Variants in PLG observed in about 807,000 individuals in gnomAD.
PLG encodes plasminogen.
In PLG, 41 loss-of-function variants were observed where a neutral mutation model predicts 104.4. That is an observed-to-expected ratio of 0.39 (90% confidence interval 0.31 to 0.51). The LOEUF (loss-of-function observed/expected upper bound fraction) is 0.51, where lower values mean the gene tolerates loss of function less well. PLG is among the 20% of genes least tolerant of loss of function. The pLI is 0.76. For synonymous variants in PLG, 337 were observed against 357.1 expected (o/e 0.94, Z 0.63); for missense variants, 891 against 1,003.6 (o/e 0.89, Z 1.52).
At chr6:160,749,659 CCACCATCAT>C (rs1162225908) in intron 17 of PLG, among the ~76,000 whole-genome samples, 1 of 142,090 alleles carries the variant, frequency 7.0e-6, no homozygotes, top group South Asian at 2.1e-4. Flanking sequence ...ACCACCATCA[CCACCATCAT>C]CACCATAACC....
intron 8 of PLG, 57 bp from the exon 9 acceptor site, chr6:160,718,636 G>A: frequency 1.3e-6 from 2 of 1,568,002 alleles, no homozygotes; most frequent in Non-Finnish European, 1.8e-6. Flanking sequence ...CTCAAAGCGT[G>A]GTTCCCTAGA....
Position 160,741,434 on chromosome 6 carries a change from T to G in PLG, c.2125+17T>G. ...AAACCCAAGGTGAGATAAATTCCAT[T>G]GCCCACATAACGAATTGGTTTTGAC... is the stretch of plus-strand genomic sequence containing the variant. On this transcript the variant is annotated intron_variant, in intron 17 of 18. Coordinates refer to ENST00000308192, the MANE Select transcript of PLG (RefSeq NM_000301.5). This position sits in a 1 kb window ranked among gnomAD's most constrained non-coding sequence, Gnocchi z 4.7. 2.7e-6 allele frequency: 4 copies of G among 1,464,114 alleles called. No homozygotes were observed. The highest frequency in any genetic ancestry group is 3.8e-6 in the Non-Finnish European group (4 of 1,042,980). The allele number at this position is 1,464,114 out of a possible 1,614,324, so 90.7% of individuals were successfully genotyped here. A position where few individuals can be genotyped will look rare whatever the true frequency, so the allele number is the denominator to read the frequency against.
chr6:160,743,447 T>C (rs1428880339), intron 17 of PLG, among the ~76,000 whole-genome samples: 12 of 152,232 alleles, frequency 7.9e-5, no homozygotes. Context: ...TGTTCCTGAT[T>C]TGCCTCTGGG....
chr6:160,708,679 A>G (rs1467174978), intron 3 of PLG: 2 of 152,170 alleles, frequency 1.3e-5, no homozygotes, highest in Non-Finnish European at 2.9e-5. Context: ...GAAACACCTT[A>G]GTTCTTGTAT....
intron 1 of PLG, among the ~76,000 whole-genome samples, chr6:160,702,813 A>G (rs1777444281): frequency 2.6e-5 from 4 of 152,210 alleles, no homozygotes; most frequent in Admixed American, 2.0e-4. Flanking sequence ...TCGGGGACTC[A>G]GCATTTCTCC....
chr6:160,722,048 C>A (rs762788760), intron 9 of PLG, among the ~76,000 whole-genome samples: 14 of 152,146 alleles, frequency 9.2e-5, no homozygotes, highest in Non-Finnish European at 1.9e-4. Context: ...GTCTGCCCCC[C>A]ACTGACAGCC....
chr6:160,732,982 G>A lies in PLG; in HGVS notation c.1588-1013G>A, dbSNP rs76100911. On this transcript the variant is annotated intron_variant, in intron 12 of 18. Transcript: ENST00000308192. This position sits in a 1 kb window ranked among gnomAD's most constrained non-coding sequence, Gnocchi z 4.5. Reference sequence around the variant, plus strand: ...TGTTCCCTCCCTGGAAGTTGGACGTGGGGGGCTGAACAGTTCCAACCCTGC... The same window carrying A: ...TGTTCCCTCCCTGGAAGTTGGACGTAGGGGGCTGAACAGTTCCAACCCTGC... Among the ~76,000 whole-genome samples the A allele has an allele frequency of 6.6e-6, 1 of 152,060 alleles. No individual in the cohort carries two copies. Among genetic ancestry groups the A allele is most frequent in the East Asian group, 1.9e-4 (1 of 5,174 alleles).
rs749375422 is a variant in PLG at position 160,718,749 on chromosome 6, A to T, written c.1007A>T (p.His336Leu). 8.7e-6 allele frequency: 14 copies of T among 1,613,744 alleles called. No homozygotes were observed. Among genetic ancestry groups the T allele is most frequent in the African/African-American group, 2.7e-5 (2 of 74,920 alleles). ...NPDGKRAPWC[H>L]TTNSQVRWEY... The stretch of plus-strand genomic sequence containing the variant: ...GACGGAAAAAGGGCCCCATGGTGCC[A>T]TACAACCAACAGCCAAGTGCGGTGG... Residue 336 changes from histidine (H) to leucine (L), a missense_variant, in exon 9 of 19, where the codon CAT becomes CTT. Coordinates refer to ENST00000308192, the MANE Select transcript of PLG (RefSeq NM_000301.5).
chr6:160,715,915 T>A (rs1191478521), intron 6 of PLG, among the ~76,000 whole-genome samples: 2 of 152,216 alleles, frequency 1.3e-5, no homozygotes, highest in Non-Finnish European at 2.9e-5. Flanking sequence ...AGAGAGGGAA[T>A]GAATAAACGC....
intron 3 of PLG, among the ~76,000 whole-genome samples, chr6:160,709,590 C>T (rs1777598774): frequency 6.6e-6 from 1 of 152,286 alleles, no homozygotes; most frequent in African/African-American, 2.4e-5. Context: ...TGCCTGGGAC[C>T]CTCTTCACCT....
In PLG at chr6:160,741,552, G is replaced by A; in HGVS notation, c.2125+135G>A. 1.4e-6 allele frequency: 1 copy of A among 709,658 alleles called. No homozygotes were observed. 44.0% of individuals were successfully genotyped at this position (709,658 alleles called of 1,614,324 possible). Reference sequence around the variant, plus strand: ...CCACCCCACTCCTGATTTTGCCTGGGCACCTGTCTATGTCTTAATCAGTCT... The same window carrying A: ...CCACCCCACTCCTGATTTTGCCTGGACACCTGTCTATGTCTTAATCAGTCT... On this transcript the variant is annotated intron_variant, in intron 17 of 18. Coordinates refer to ENST00000308192, the MANE Select transcript of PLG (RefSeq NM_000301.5). This position sits in a 1 kb window ranked among gnomAD's most constrained non-coding sequence, Gnocchi z 4.7.
At chr6:160,722,838 A>G (rs1283674484) in intron 10 of PLG, among the ~76,000 whole-genome samples, 1 of 152,180 alleles carries the variant, frequency 6.6e-6, no homozygotes, top group African/African-American at 2.4e-5. Context: ...AGGAGTACAT[A>G]TGAGCAAATG....
Position 160,726,332 on chromosome 6 carries a change from C to A in PLG, c.1256+3765C>A, listed in dbSNP as rs1007362985. On this transcript the variant is annotated intron_variant, in intron 10 of 18. Transcript: ENST00000308192. This position sits in a 1 kb window ranked among gnomAD's most constrained non-coding sequence, Gnocchi z 4.4. ...TATCTGAAAATGAAACAACACATTT[C>A]CAAATACTTCATAAGTCAAAGAAGG... Among the ~76,000 whole-genome samples, 1 of 151,902 alleles carries A rather than the reference C, an allele frequency of 6.6e-6. No homozygotes were observed. The highest frequency in any genetic ancestry group is 6.6e-5 in the Admixed American group (1 of 15,242).
At position 160,740,557 on chromosome 6, in the gene PLG, A is replaced by T. The variant is rs1778175163; in HGVS notation, c.2019-754A>T. Among the ~76,000 whole-genome samples the T allele has an allele frequency of 6.6e-6, 1 of 152,146 alleles. No individual in the cohort carries two copies. Among genetic ancestry groups the T allele is most frequent in the Admixed American group, 6.5e-5 (1 of 15,288 alleles). Reference sequence around the variant, plus strand: ...GCATGACAGGCTGGGCCTTCTGATGATGCTCAGAAGCAGAAAGTGTGCCTG... The same window carrying T: ...GCATGACAGGCTGGGCCTTCTGATGTTGCTCAGAAGCAGAAAGTGTGCCTG... On this transcript the variant is annotated intron_variant, in intron 16 of 18. Transcript: ENST00000308192. This position sits in a 1 kb window ranked among gnomAD's most constrained non-coding sequence, Gnocchi z 5.2.
intron 6 of PLG, 145 bp downstream of exon 6, chr6:160,715,059 A>C: frequency 1.2e-6 from 1 of 812,310 alleles, no homozygotes; most frequent in Non-Finnish European, 2.0e-6. Context: ...CTCCCACAAT[A>C]TTGCAAGTGA....
At chr6:160,715,318 T>C (rs1251940155) in intron 6 of PLG, among the ~76,000 whole-genome samples, 1 of 152,222 alleles carries the variant, frequency 6.6e-6, no homozygotes, top group Non-Finnish European at 1.5e-5. Flanking sequence ...TCTTTACTCC[T>C]TGTCTTTCTT....
Position 160,736,807 on chromosome 6 carries a change from T to C in PLG, c.1682-80T>C, listed in dbSNP as rs949862891. On this transcript the variant is annotated intron_variant, in intron 13 of 18. Coordinates refer to ENST00000308192, the MANE Select transcript of PLG (RefSeq NM_000301.5). This position sits in a 1 kb window ranked among gnomAD's most constrained non-coding sequence, Gnocchi z 5.2. ...GGCCTTTAAGATGTCAAAAACTCAGTGCTTGGAATTTGTCTCGAATTACAC... is the reference window on the plus strand; with the variant it reads ...GGCCTTTAAGATGTCAAAAACTCAGCGCTTGGAATTTGTCTCGAATTACAC... 12 of 1,577,074 alleles carry C rather than the reference T, an allele frequency of 7.6e-6. 1 individual carries two copies. The highest frequency in any genetic ancestry group is 4.4e-5 in the South Asian group (4 of 89,924).
At chr6:160,727,050 G>C (rs987016953) in intron 10 of PLG, among the ~76,000 whole-genome samples, 1 of 151,822 alleles carries the variant, frequency 6.6e-6, no homozygotes, top group Non-Finnish European at 1.5e-5. Flanking sequence ...TGACGACAAA[G>C]GAGGGAGCAC....
chr6:160,741,794 T>C lies in PLG; in HGVS notation c.2125+377T>C, dbSNP rs1778200807. Among the ~76,000 whole-genome samples the C allele has an allele frequency of 6.6e-6, 1 of 152,208 alleles. No individual in the cohort carries two copies. Among genetic ancestry groups the C allele is most frequent in the Non-Finnish European group, 1.5e-5 (1 of 68,034 alleles). On this transcript the variant is annotated intron_variant, in intron 17 of 18. Coordinates refer to ENST00000308192, the MANE Select transcript of PLG (RefSeq NM_000301.5). This position sits in a 1 kb window ranked among gnomAD's most constrained non-coding sequence, Gnocchi z 4.7. ...CTAGTACCCAATTCTTAGTATTTCC[T>C]GCTCCTCTCCCTCCTCCCACTCTTC... is the stretch of plus-strand genomic sequence containing the variant.
Sources: gnomAD v4.1 joint callset for allele counts (sites outside exome capture counted in the v4.1 genomes callset) on GRCh38, gnomAD v4.1.1 for gene constraint, Gnocchi (gnomAD v3.1) non-coding constraint, MANE v1.5 for transcripts, NCBI Gene and HGNC (gene_info 2026-07-23, HGNC 2026-07-21) for gene names.